The following SGCZ variants were observed in gnomAD, a reference collection of about 807,000 sequenced individuals.
SGCZ encodes the protein zeta-sarcoglycan.
SGCZ carries 40 observed loss-of-function variants against 41.3 expected under a neutral mutation model. The observed-to-expected ratio is 0.97, with a 90% CI of 0.75 to 1.26. SGCZ has a LOEUF of 1.26. SGCZ is among the 50% of genes most tolerant of loss of function. The probability of loss-of-function intolerance (pLI) is 0.00; values close to 1 mark genes in which losing one functional copy is unlikely to be tolerated. For missense variants in SGCZ, 552 were observed against 369.8 expected, an observed-to-expected ratio of 1.49 and a Z score of -4.04; for synonymous variants, 206 against 137.5, an observed-to-expected ratio of 1.50 and a Z score of -3.49.
In SGCZ at chr8:14,229,480, TTAAC is replaced by T. The variant is rs1404315855; in HGVS notation, c.424+8108_424+8111del. Among the ~76,000 whole-genome samples the T allele has an allele frequency of 2.0e-5, 3 of 152,196 alleles. 1 individual carries two copies. Among genetic ancestry groups the T allele is most frequent in the Non-Finnish European group, 4.4e-5 (3 of 68,002 alleles). On this transcript the variant is annotated intron_variant, in intron 4 of 7. Transcript: ENST00000382080. ...TTAATTATAAATTTATTAACATGAATTAACTAATAATGAACTCAAAATCAACAAT... is the reference window on the plus strand; with the variant it reads ...TTAATTATAAATTTATTAACATGAATTAATAATGAACTCAAAATCAACAAT...
chr8:14,458,044 C>T (rs1379656191), intron 2 of SGCZ, among the ~76,000 whole-genome samples: 2 of 152,120 alleles, frequency 1.3e-5, no homozygotes, highest in African/African-American at 4.8e-5. Context: ...GTCAATCAAA[C>T]CTCCTTTCTT....
chr8:15,085,995 A>G (rs900173719), intron 1 of SGCZ, among the ~76,000 whole-genome samples: 2 of 152,158 alleles, frequency 1.3e-5, no homozygotes, highest in Non-Finnish European at 2.9e-5. Context: ...TTAAGAACAT[A>G]CTTTCCGTGT....
intron 3 of SGCZ, among the ~76,000 whole-genome samples, chr8:14,299,397 T>A (rs1194969244): frequency 6.6e-6 from 1 of 151,852 alleles, no homozygotes. Flanking sequence ...CTAAATATAT[T>A]CACAACATAT....
intron 1 of SGCZ, among the ~76,000 whole-genome samples, chr8:14,709,795 T>C (rs1054595748): frequency 6.6e-6 from 1 of 152,210 alleles, no homozygotes; most frequent in African/African-American, 2.4e-5. Context: ...TATATTTAAA[T>C]GTAACTAACA....
At chr8:14,114,228 T>C (rs1314673787) in intron 5 of SGCZ, among the ~76,000 whole-genome samples, 1 of 152,020 alleles carries the variant, frequency 6.6e-6, no homozygotes, top group East Asian at 1.9e-4. Flanking sequence ...AAAGCATGCA[T>C]AAAATGCTTT....
intron 1 of SGCZ, among the ~76,000 whole-genome samples, chr8:15,163,159 A>G (rs1286443128): frequency 6.6e-6 from 1 of 152,228 alleles, no homozygotes; most frequent in East Asian, 1.9e-4. Context: ...TCATCTTTGC[A>G]AAGTCATATC....
intron 1 of SGCZ, among the ~76,000 whole-genome samples, chr8:15,186,262 CAAAAAAAAAAAAAAAAAAAAAA>C (rs61237091): frequency 0.33 from 26,749 of 80,980 alleles, 3,722 homozygotes; most frequent in East Asian, 0.51. Flanking sequence ...GATTCCGTAC[CAAAAAAAAAAAAAAAAAAAAAA>C]AAAAAAAAAA....
At position 14,989,350 on chromosome 8, in the gene SGCZ, G is replaced by C. The variant is rs187798986; in HGVS notation, c.39+248235C>G. Among the ~76,000 whole-genome samples the C allele has an allele frequency of 3.3e-5, 5 of 152,228 alleles. No individual in the cohort carries two copies. The East Asian group carries it at 7.8e-4, about 24-fold the overall frequency. The stretch of plus-strand genomic sequence containing the variant: ...ATAAATAATTCATTAGCCGAGCGTG[G>C]TGGTGTATGCCTATAGTCTTAGCTA... On this transcript the variant is annotated intron_variant, in intron 1 of 7. Transcript: ENST00000382080.
At chr8:14,876,324 C>A (rs985605040) in intron 1 of SGCZ, among the ~76,000 whole-genome samples, 7 of 152,130 alleles carry the variant, frequency 4.6e-5, no homozygotes, top group Admixed American at 3.3e-4. Context: ...CATAGCATTA[C>A]AAAACTGAAA....
chr8:14,604,706 T>C (rs1805694172), intron 1 of SGCZ, among the ~76,000 whole-genome samples: 1 of 152,174 alleles, frequency 6.6e-6, no homozygotes, highest in African/African-American at 2.4e-5. Context: ...TCTAAGTCTT[T>C]CAGAAAATTT....
chr8:14,892,034 G>C (rs896902605), intron 1 of SGCZ, among the ~76,000 whole-genome samples: 13 of 152,204 alleles, frequency 8.5e-5, no homozygotes, highest in Non-Finnish European at 1.3e-4. Flanking sequence ...CGGGTGACTT[G>C]CTTTAATGCA....
chr8:14,506,460 T>G (rs1237425224), intron 2 of SGCZ, among the ~76,000 whole-genome samples: 1 of 150,474 alleles, frequency 6.6e-6, no homozygotes, highest in Non-Finnish European at 1.5e-5. Flanking sequence ...ACCAAACAAA[T>G]AAACAAAGAA....
intron 1 of SGCZ, among the ~76,000 whole-genome samples, chr8:14,621,192 A>G (rs1039560371): frequency 6.6e-6 from 1 of 151,036 alleles, no homozygotes; most frequent in African/African-American, 2.4e-5. Flanking sequence ...ACAAGGACAA[A>G]AAACCAAAAC....
intron 3 of SGCZ, among the ~76,000 whole-genome samples, chr8:14,300,836 T>G (rs1191227227): frequency 1.3e-5 from 2 of 152,026 alleles, no homozygotes; most frequent in Non-Finnish European, 2.9e-5. Context: ...TCCTTGCTAT[T>G]GAGTTGTGTG....
chr8:14,254,873 C>T (rs1287479501), intron 3 of SGCZ, among the ~76,000 whole-genome samples: 1 of 152,132 alleles, frequency 6.6e-6, no homozygotes, highest in Admixed American at 6.5e-5. Context: ...TCACATTCTG[C>T]ACTGTACAAT....
At chr8:14,645,174 G>A (rs922268874) in intron 1 of SGCZ, among the ~76,000 whole-genome samples, 1 of 151,438 alleles carries the variant, frequency 6.6e-6, no homozygotes, top group Non-Finnish European at 1.5e-5. Context: ...TATAAAATGA[G>A]GAATGGATCT....
intron 4 of SGCZ, among the ~76,000 whole-genome samples, chr8:14,178,295 T>C (rs1399407218): frequency 6.6e-6 from 1 of 152,184 alleles, no homozygotes; most frequent in Non-Finnish European, 1.5e-5. Context: ...TCTAGCTAAA[T>C]GTAAATATTG....
chr8:14,288,591 T>C (rs979842485), intron 3 of SGCZ, among the ~76,000 whole-genome samples: 1 of 152,298 alleles, frequency 6.6e-6, no homozygotes, highest in East Asian at 1.9e-4. Context: ...TCATTCATGT[T>C]GAAATGCCAT....
intron 1 of SGCZ, among the ~76,000 whole-genome samples, chr8:15,187,362 G>C (rs1246035484): frequency 3.3e-5 from 5 of 152,062 alleles, no homozygotes; most frequent in African/African-American, 1.2e-4. Flanking sequence ...CCACAAATTA[G>C]AATACATGTG....
Sources: allele counts gnomAD v4.1 joint callset (sites outside exome capture counted in the v4.1 genomes callset), GRCh38; gene constraint gnomAD v4.1.1; transcripts MANE v1.5; gene names NCBI Gene and HGNC (gene_info 2026-07-23, HGNC 2026-07-21).